NR6A1: variants seen among roughly 807,000 people sequenced by gnomAD.
NR6A1 encodes retinoic acid receptor-related testis-associated receptor.
A neutral mutation model predicts 59.1 loss-of-function variants in NR6A1; 7 were observed. The observed-to-expected ratio is 0.12, with a 90% CI of 0.07 to 0.22. NR6A1 has a LOEUF of 0.22. Ranked by LOEUF, NR6A1 falls within the 10% of genes least tolerant of loss-of-function variation. The pLI is 1.00. For missense variants in NR6A1, 468 were observed against 611.6 expected (o/e 0.77, Z 2.48); for synonymous variants, 243 against 236.1 (o/e 1.03, Z -0.27).
At chr9:124,550,096 T>TA (rs1588658533) in intron 3 of NR6A1, among the ~76,000 whole-genome samples, 2 of 152,320 alleles carry the variant, frequency 1.3e-5, no homozygotes, top group Non-Finnish European at 2.9e-5. Flanking sequence ...TGAGTGAACT[T>TA]ACCTCTCTGT....
intron 1 of NR6A1, among the ~76,000 whole-genome samples, chr9:124,737,802 T>C (rs1465597320): frequency 2.0e-5 from 3 of 150,972 alleles, no homozygotes; most frequent in Admixed American, 1.3e-4. Context: ...GAGGCAGAGG[T>C]TGTAGTGAGC....
At chr9:124,570,425 T>C (rs1187387601) in intron 2 of NR6A1, among the ~76,000 whole-genome samples, 2 of 152,190 alleles carry the variant, frequency 1.3e-5, no homozygotes, top group African/African-American at 4.8e-5. Flanking sequence ...CAAAAGAAAA[T>C]GTTACTGATG....
chr9:124,559,777 A>G (rs1185032347), intron 2 of NR6A1, among the ~76,000 whole-genome samples: 3 of 152,196 alleles, frequency 2.0e-5, no homozygotes, highest in Non-Finnish European at 4.4e-5. Flanking sequence ...ACTCCGTCAA[A>G]AAAGAAAATA....
At chr9:124,691,625 T>A (rs886424655) in intron 2 of NR6A1, among the ~76,000 whole-genome samples, 1 of 152,232 alleles carries the variant, frequency 6.6e-6, no homozygotes, top group Non-Finnish European at 1.5e-5. Flanking sequence ...ACAAATGACA[T>A]CTGACATTTT....
At chr9:124,641,374 AG>A (rs1836763669) in intron 2 of NR6A1, among the ~76,000 whole-genome samples, 1 of 151,462 alleles carries the variant, frequency 6.6e-6, no homozygotes, top group African/African-American at 2.4e-5. Context: ...AAAAAAAAAA[AG>A]AAAAGAAGGA....
At chr9:124,732,676 T>C (rs1003560941) in intron 2 of NR6A1, among the ~76,000 whole-genome samples, 2 of 152,188 alleles carry the variant, frequency 1.3e-5, no homozygotes, top group Non-Finnish European at 1.5e-5. Flanking sequence ...CAGTTGTCCA[T>C]GTGCATAAAT....
chr9:124,572,229 A>G (rs760803175), intron 2 of NR6A1, among the ~76,000 whole-genome samples: 2 of 152,264 alleles, frequency 1.3e-5, no homozygotes, highest in Non-Finnish European at 2.9e-5. Context: ...ATTTTAATAC[A>G]AACTTTAAAA....
At chr9:124,599,492 A>G in intron 2 of NR6A1, 1 of 495,136 alleles carries the variant, frequency 2.0e-6, no homozygotes, top group South Asian at 1.6e-5. Flanking sequence ...AAGAGAAACT[A>G]CTGGCTTAAA....
Position 124,540,172 on chromosome 9 carries a change from T to C in NR6A1, c.457A>G (p.Ile153Val). ...TCCTGCCCAGACATGATCCTTTCGA[T>C]TTCTTCTTCCGATATCTTTGACAAG... ...IGPVQISEEE[I>V]ERIMSGQEFE... The change falls in exon 5 of 10, where the codon ATC (isoleucine) becomes GTC (valine). Residue 153 changes from isoleucine (I) to valine (V), a missense_variant. Ile to Val is a conservative substitution (Grantham distance 29). Around this residue, in one of 4 missense-constraint regions of NR6A1, gnomAD observed 151 missense variants for 142.8 expected, o/e 1.06. Transcript: ENST00000487099. The C allele has an allele frequency of 6.2e-7, 1 of 1,613,482 alleles. No homozygotes were observed. The highest frequency in any genetic ancestry group is 8.5e-7 in the Non-Finnish European group (1 of 1,179,706).
chr9:124,555,574 C>T (rs895646840), intron 2 of NR6A1, among the ~76,000 whole-genome samples: 1 of 152,170 alleles, frequency 6.6e-6, no homozygotes, highest in African/African-American at 2.4e-5. Context: ...TATGATTGCA[C>T]CACTGCATTC....
chr9:124,687,167 A>G (rs538584538), intron 2 of NR6A1, among the ~76,000 whole-genome samples: 4 of 151,612 alleles, frequency 2.6e-5, no homozygotes, highest in African/African-American at 7.3e-5. Context: ...CACTCAGGCT[A>G]GAGTGAAGTG....
intron 2 of NR6A1, among the ~76,000 whole-genome samples, chr9:124,618,432 G>A (rs1299421047): frequency 1.3e-5 from 2 of 152,040 alleles, no homozygotes; most frequent in African/African-American, 2.4e-5. Flanking sequence ...GCATTGAGCC[G>A]AGATTGCACC....
intron 2 of NR6A1, among the ~76,000 whole-genome samples, chr9:124,578,551 C>T (rs760119935): frequency 3.3e-5 from 5 of 152,198 alleles, no homozygotes; most frequent in Admixed American, 2.0e-4. Flanking sequence ...CCCTCCAAAA[C>T]AGATCTAAAA....
chr9:124,699,454 G>C (rs1168662269), intron 2 of NR6A1, among the ~76,000 whole-genome samples: 1 of 152,190 alleles, frequency 6.6e-6, no homozygotes, highest in Non-Finnish European at 1.5e-5. Flanking sequence ...ATTATACTCT[G>C]TAGTGGGGTA....
intron 2 of NR6A1, among the ~76,000 whole-genome samples, chr9:124,623,331 G>A (rs1011601459): frequency 3.9e-5 from 6 of 152,014 alleles, no homozygotes; most frequent in African/African-American, 4.8e-5. Flanking sequence ...AGAGGATAGT[G>A]TATGTCTCAT....
At chr9:124,722,638 A>G (rs746277456) in intron 2 of NR6A1, among the ~76,000 whole-genome samples, 28 of 152,126 alleles carry the variant, frequency 1.8e-4, no homozygotes, top group Non-Finnish European at 3.7e-4. Flanking sequence ...TGTTTTTTTC[A>G]TCTTGCCTGT....
At chr9:124,571,666 G>C (rs1834440146) in intron 2 of NR6A1, among the ~76,000 whole-genome samples, 1 of 152,154 alleles carries the variant, frequency 6.6e-6, no homozygotes, top group Non-Finnish European at 1.5e-5. Flanking sequence ...CTTTGTTCCT[G>C]AAAAGCAAAG....
chr9:124,588,813 G>C (rs1178259904), intron 2 of NR6A1, among the ~76,000 whole-genome samples: 1 of 150,000 alleles, frequency 6.7e-6, no homozygotes, highest in South Asian at 2.1e-4. Context: ...CCAGCTACTC[G>C]GGAGGCTGAG....
intron 2 of NR6A1, among the ~76,000 whole-genome samples, chr9:124,702,086 T>C (rs899950924): frequency 6.6e-5 from 10 of 152,200 alleles, no homozygotes; most frequent in African/African-American, 2.4e-4. Flanking sequence ...ATTTTCTTAA[T>C]AACGTATTTT....
Sources: gnomAD v4.1 joint callset for allele counts (sites outside exome capture counted in the v4.1 genomes callset) on GRCh38, gnomAD v4.1.1 for gene constraint, gnomAD v4.1.1 regional missense constraint, MANE v1.5 for transcripts, NCBI Gene and HGNC (gene_info 2026-07-23, HGNC 2026-07-21) for gene names.